The following ELAPOR2 variants were observed in gnomAD, a reference collection of about 807,000 sequenced individuals.
ELAPOR2 encodes the protein endosome/lysosome-associated apoptosis and autophagy regulator family member 2.
Under a neutral mutation model 120.7 loss-of-function variants are expected in ELAPOR2, and 89 were observed. The observed-to-expected ratio is 0.74, with a 90% CI of 0.62 to 0.88. The LOEUF is 0.88. Among genes scored for constraint, ELAPOR2 ranks in the 40% least tolerant of loss-of-function variants. ELAPOR2 has a pLI of 0.00. For synonymous variants in ELAPOR2, 444 were observed against 444.9 expected, an observed-to-expected ratio of 1.00 and a Z score of 0.03; for missense variants, 1,134 against 1,251.6, an observed-to-expected ratio of 0.91 and a Z score of 1.42.
At chr7:87,037,405 C>A (rs1013436262) in intron 1 of ELAPOR2, among the ~76,000 whole-genome samples, 4 of 150,492 alleles carry the variant, frequency 2.7e-5, no homozygotes, top group African/African-American at 9.7e-5. Flanking sequence ...CAATAAAAGA[C>A]AGCAGCATCT....
chr7:86,929,424 GCAGGCA>G (rs1302684665), intron 8 of ELAPOR2, among the ~76,000 whole-genome samples: 1 of 151,950 alleles, frequency 6.6e-6, no homozygotes, highest in Non-Finnish European at 1.5e-5. Flanking sequence ...TCTCAGCCAA[GCAGGCA>G]ATTTCTTATC....
At chr7:86,974,079 A>C (rs1256793620) in intron 1 of ELAPOR2, among the ~76,000 whole-genome samples, 1 of 152,084 alleles carries the variant, frequency 6.6e-6, no homozygotes, top group Non-Finnish European at 1.5e-5. Flanking sequence ...TTAAAATCAC[A>C]ACGGTATATG....
chr7:86,926,173 T>C (rs1790058128), intron 9 of ELAPOR2, among the ~76,000 whole-genome samples: 1 of 152,040 alleles, frequency 6.6e-6, no homozygotes, highest in South Asian at 2.1e-4. Context: ...GCTGGGAAAG[T>C]GCTGGGTTTA....
chr7:86,940,335 AAAGAAG>A (rs1205086176), intron 5 of ELAPOR2, among the ~76,000 whole-genome samples: 1 of 152,104 alleles, frequency 6.6e-6, no homozygotes. Context: ...ATTAAACAGA[AAAGAAG>A]AAGAAATCTT....
intron 21 of ELAPOR2, among the ~76,000 whole-genome samples, chr7:86,885,617 T>C (rs912056404): frequency 1.1e-4 from 17 of 152,122 alleles, no homozygotes; most frequent in African/African-American, 4.1e-4. Flanking sequence ...CTGAATCTGC[T>C]AGGAAAACCT....
intron 2 of ELAPOR2, among the ~76,000 whole-genome samples, chr7:86,964,158 C>T (rs1791820153): frequency 3.3e-5 from 5 of 152,124 alleles, no homozygotes; most frequent in Admixed American, 6.6e-5. Flanking sequence ...TGCAGGAAAA[C>T]CCAAATACAC....
intron 1 of ELAPOR2, among the ~76,000 whole-genome samples, chr7:87,056,954 C>G (rs1218276981): frequency 6.6e-6 from 1 of 152,228 alleles, no homozygotes; most frequent in African/African-American, 2.4e-5. Flanking sequence ...CCTCAACATT[C>G]TCTCACATTG....
intron 1 of ELAPOR2, among the ~76,000 whole-genome samples, chr7:86,989,870 T>C (rs1792883679): frequency 6.6e-6 from 1 of 152,046 alleles, no homozygotes; most frequent in Non-Finnish European, 1.5e-5. Context: ...TTAGCCTCTC[T>C]ATTCAGCATT....
chr7:86,912,812 GT>G (rs1362918085), intron 14 of ELAPOR2, 128 bp downstream of exon 14: 2 of 1,065,732 alleles, frequency 1.9e-6, no homozygotes, highest in Non-Finnish European at 2.7e-6. Context: ...AACAGAAATG[GT>G]AAGTAGAAAG....
intron 11 of ELAPOR2, 101 bp downstream of exon 11, chr7:86,919,119 G>T: frequency 1.4e-6 from 1 of 710,224 alleles, no homozygotes. Context: ...AAGTATTTTT[G>T]TAATATTAAT....
intron 1 of ELAPOR2, among the ~76,000 whole-genome samples, chr7:87,014,415 T>C (rs1035115197): frequency 1.3e-5 from 2 of 152,180 alleles, no homozygotes; most frequent in East Asian, 1.9e-4. Flanking sequence ...TCAGTGCTTA[T>C]AAAAGTGACA....
Position 86,893,051 on chromosome 7 carries a change from G to T in ELAPOR2, c.2735C>A (p.Ser912Tyr), listed in dbSNP as rs749291023. 4.4e-6 allele frequency: 7 copies of T among 1,573,534 alleles called. No homozygotes were observed. In the Admixed American group the frequency reaches 1.4e-4, roughly 30 times the overall value. ...NEPKWCIKGI[S>Y]LPEKKLATCE... ...GGTTGCCAACTTTTTCTCAGGCAAAGAAATTCCTTTAATGCACCATTTAGG... is the reference window on the plus strand; with the variant it reads ...GGTTGCCAACTTTTTCTCAGGCAAATAAATTCCTTTAATGCACCATTTAGG... The change falls in exon 20 of 22, where the codon TCT becomes TAT. Residue 912 changes from serine to tyrosine, a missense_variant. Around this residue, in one of 3 missense-constraint regions of ELAPOR2, gnomAD observed 831 missense variants for 867.6 expected, o/e 0.96. Transcript: ENST00000450689.
At chr7:87,055,053 A>T (rs991052905) in intron 1 of ELAPOR2, among the ~76,000 whole-genome samples, 1 of 152,282 alleles carries the variant, frequency 6.6e-6, no homozygotes, top group East Asian at 1.9e-4. Flanking sequence ...CACTCCCTGC[A>T]TGATCTCAAC....
intron 1 of ELAPOR2, among the ~76,000 whole-genome samples, chr7:86,983,315 C>A (rs548716602): frequency 6.6e-6 from 1 of 152,254 alleles, no homozygotes; most frequent in East Asian, 1.9e-4. Flanking sequence ...GGCCAACATT[C>A]AAATTCAGGA....
intron 6 of ELAPOR2, among the ~76,000 whole-genome samples, chr7:86,939,169 G>A (rs1207085353): frequency 6.6e-6 from 1 of 152,094 alleles, no homozygotes. Flanking sequence ...AAGAGATGAA[G>A]ATTTCATAGA....
intron 1 of ELAPOR2, among the ~76,000 whole-genome samples, chr7:87,006,522 A>C (rs1487464061): frequency 6.6e-6 from 1 of 152,130 alleles, no homozygotes; most frequent in East Asian, 1.9e-4. Context: ...TTAAAGTATA[A>C]TTTAAAAAAG....
intron 1 of ELAPOR2, among the ~76,000 whole-genome samples, chr7:87,048,252 A>T (rs950544433): frequency 6.6e-6 from 1 of 152,118 alleles, no homozygotes; most frequent in Non-Finnish European, 1.5e-5. Context: ...AGAAAAAAAA[A>T]AAAAAGAAAA....
In ELAPOR2 at chr7:86,998,784, T is replaced by C. The variant is rs1024264493; in HGVS notation, c.190-33760A>G. 1.3e-4 allele frequency among the ~76,000 whole-genome samples: 20 copies of C among 152,218 alleles called. 1 individual carries two copies. Among genetic ancestry groups the C allele is most frequent in the Admixed American group, 1.2e-3 (19 of 15,286 alleles). The stretch of plus-strand genomic sequence containing the variant: ...CATATATGGCAATTCTGATCAATTT[T>C]TCATAAACCAAATTTTTAAAAAATC... On this transcript the variant is annotated intron_variant, in intron 1 of 21. Coordinates refer to ENST00000450689, the MANE Select transcript of ELAPOR2 (RefSeq NM_001142749.3).
intron 21 of ELAPOR2, among the ~76,000 whole-genome samples, chr7:86,882,359 C>T (rs148590255): frequency 6.6e-6 from 1 of 152,252 alleles, no homozygotes; most frequent in East Asian, 1.9e-4. Context: ...ATTTCTGCAG[C>T]CTTTGCTTGA....
Sources: allele counts gnomAD v4.1 joint callset (sites outside exome capture counted in the v4.1 genomes callset), GRCh38; gene constraint gnomAD v4.1.1; regional missense constraint gnomAD v4.1.1; transcripts MANE v1.5; gene names NCBI Gene and HGNC (gene_info 2026-07-23, HGNC 2026-07-21).